The following ITGBL1 variants were observed in gnomAD, a reference collection of about 807,000 sequenced individuals.
ITGBL1 encodes the protein integrin beta-like protein 1.
ITGBL1 carries 51 observed loss-of-function variants against 68.5 expected under a neutral mutation model. That is an observed-to-expected ratio of 0.74 (90% confidence interval 0.59 to 0.94). ITGBL1 has a LOEUF of 0.94. Ranked by LOEUF, ITGBL1 falls within the 40% of genes least tolerant of loss-of-function variation. ITGBL1 has a pLI of 0.00. For synonymous variants in ITGBL1, 209 were observed against 227.3 expected, an observed-to-expected ratio of 0.92 and a Z score of 0.72; for missense variants, 649 against 647.4, an observed-to-expected ratio of 1.00 and a Z score of -0.03.
At chr13:101,625,150 A>G (rs1201883888) in intron 7 of ITGBL1, among the ~76,000 whole-genome samples, 1 of 152,188 alleles carries the variant, frequency 6.6e-6, no homozygotes, top group Non-Finnish European at 1.5e-5. Context: ...AAGGTTGTAG[A>G]TTTAATCATC....
At chr13:101,567,328 T>G (rs2050197169) in intron 2 of ITGBL1, among the ~76,000 whole-genome samples, 1 of 152,138 alleles carries the variant, frequency 6.6e-6, no homozygotes, top group South Asian at 2.1e-4. Flanking sequence ...GTTTAATGTG[T>G]TATGTAAAAT....
intron 7 of ITGBL1, among the ~76,000 whole-genome samples, chr13:101,653,539 A>G (rs2032819914): frequency 6.6e-6 from 1 of 152,226 alleles, no homozygotes; most frequent in South Asian, 2.1e-4. Context: ...ATTGGTGTTC[A>G]AAATAGAATC....
intron 7 of ITGBL1, 84 bp downstream of exon 7, chr13:101,598,383 TG>T: frequency 1.7e-6 from 2 of 1,149,882 alleles, no homozygotes; most frequent in Non-Finnish European, 2.3e-6. Flanking sequence ...TTTGTTTGTT[TG>T]TTTGTTTTTT....
At chr13:101,454,282 C>G (rs1211592823) in intron 2 of ITGBL1, among the ~76,000 whole-genome samples, 182 bp downstream of exon 2, 1 of 152,150 alleles carries the variant, frequency 6.6e-6, no homozygotes, top group African/African-American at 2.4e-5. Context: ...ACACTTTTAT[C>G]CCCCAGGCTC....
intron 6 of ITGBL1, among the ~76,000 whole-genome samples, chr13:101,585,145 C>G (rs1594906128): frequency 6.6e-6 from 1 of 152,060 alleles, no homozygotes; most frequent in Admixed American, 6.5e-5. Context: ...CAATGAGGAG[C>G]TAATGATGGT....
chr13:101,607,380 A>C (rs3783213), intron 7 of ITGBL1, among the ~76,000 whole-genome samples: 1 of 151,984 alleles, frequency 6.6e-6, no homozygotes, highest in Admixed American at 6.6e-5. Flanking sequence ...TTTATTGGAC[A>C]ATATATATTA....
intron 2 of ITGBL1, among the ~76,000 whole-genome samples, chr13:101,550,264 C>T (rs1010897900): frequency 6.6e-6 from 1 of 152,088 alleles, no homozygotes; most frequent in Non-Finnish European, 1.5e-5. Flanking sequence ...AGACATGGTG[C>T]CTGCCTCTGG....
At chr13:101,622,615 T>C (rs987865267) in intron 7 of ITGBL1, among the ~76,000 whole-genome samples, 2 of 152,222 alleles carry the variant, frequency 1.3e-5, no homozygotes, top group Non-Finnish European at 2.9e-5. Flanking sequence ...ACCTAGAATC[T>C]AGCAAACATT....
intron 2 of ITGBL1, among the ~76,000 whole-genome samples, chr13:101,504,084 T>C (rs1057449302): frequency 6.3e-4 from 96 of 152,316 alleles, no homozygotes; most frequent in African/African-American, 1.9e-3. Flanking sequence ...AAATGAACTG[T>C]AAATGAAGAC....
chr13:101,584,807 T>G (rs1455383752), intron 6 of ITGBL1, among the ~76,000 whole-genome samples: 1 of 151,952 alleles, frequency 6.6e-6, no homozygotes, highest in Non-Finnish European at 1.5e-5. Context: ...ATGAGAATAG[T>G]GGGGAAGAGG....
intron 2 of ITGBL1, among the ~76,000 whole-genome samples, chr13:101,512,614 G>A (rs769390427): frequency 6.6e-6 from 1 of 152,150 alleles, no homozygotes; most frequent in Non-Finnish European, 1.5e-5. Context: ...TTGTGAGTGA[G>A]CACAAGGACC....
intron 2 of ITGBL1, among the ~76,000 whole-genome samples, chr13:101,484,994 G>A (rs1012014708): frequency 6.6e-6 from 1 of 151,994 alleles, no homozygotes; most frequent in Non-Finnish European, 1.5e-5. Flanking sequence ...AGAAAAAACC[G>A]TATACTGTAT....
chr13:101,720,454 T>TAAAC (rs1389687523), downstream of ITGBL1: 1 of 151,922 alleles, frequency 6.6e-6, no homozygotes, highest in African/African-American at 2.4e-5. Flanking sequence ...TTTAAACCAA[T>TAAAC]AAACAGACTT....
intron 5 of ITGBL1, among the ~76,000 whole-genome samples, chr13:101,579,800 T>C (rs561471892): frequency 2.0e-4 from 30 of 152,282 alleles, no homozygotes; most frequent in Non-Finnish European, 2.9e-4. Context: ...TAATTATCCG[T>C]AGAGAATTCA....
At chr13:101,478,331 T>C (rs2048566867) in intron 2 of ITGBL1, among the ~76,000 whole-genome samples, 1 of 151,912 alleles carries the variant, frequency 6.6e-6, no homozygotes, top group African/African-American at 2.4e-5. Context: ...AGGAACAAAC[T>C]TCAACACAAT....
intron 2 of ITGBL1, among the ~76,000 whole-genome samples, chr13:101,457,938 A>T (rs1048316927): frequency 6.6e-6 from 1 of 152,236 alleles, no homozygotes; most frequent in Non-Finnish European, 1.5e-5. Context: ...CACTTAAATA[A>T]TGTATTGTTT....
chr13:101,670,260 C>T (rs1336872690), intron 7 of ITGBL1, among the ~76,000 whole-genome samples: 1 of 152,202 alleles, frequency 6.6e-6, no homozygotes, highest in African/African-American at 2.4e-5. Context: ...CTCGGGCAGA[C>T]AATTCCAGTG....
intron 6 of ITGBL1, among the ~76,000 whole-genome samples, chr13:101,594,450 T>G (rs1438123471): frequency 6.6e-6 from 1 of 152,172 alleles, no homozygotes; most frequent in African/African-American, 2.4e-5. Flanking sequence ...ATTAAAGACT[T>G]ATATGTAAAA....
At chr13:101,505,024 G>T (rs969331588) in intron 2 of ITGBL1, among the ~76,000 whole-genome samples, 1 of 152,136 alleles carries the variant, frequency 6.6e-6, no homozygotes, top group Non-Finnish European at 1.5e-5. Context: ...ATACTGAGGC[G>T]TTTTGGGTGT....
Sources: gnomAD v4.1 joint callset for allele counts (sites outside exome capture counted in the v4.1 genomes callset) on GRCh38, gnomAD v4.1.1 for gene constraint, MANE v1.5 for transcripts, NCBI Gene and HGNC (gene_info 2026-07-23, HGNC 2026-07-21) for gene names.